Variants in HPS4 observed in about 807,000 individuals in gnomAD.
HPS4 encodes BLOC-3 complex member HPS4.
In HPS4, 44 loss-of-function variants were observed where a neutral mutation model predicts 70.3. The ratio of observed to expected loss-of-function variants is 0.63; its 90% confidence interval spans 0.49 to 0.80. The LOEUF is 0.80. Ranked by LOEUF, HPS4 falls within the 30% of genes least tolerant of loss-of-function variation. The pLI is 0.00. For synonymous variants in HPS4, 377 were observed against 355.9 expected (o/e 1.06, Z -0.67); for missense variants, 873 against 884.4 (o/e 0.99, Z 0.16).
At chr22:26,478,830 C>A (rs999789320) in intron 3 of HPS4, among the ~76,000 whole-genome samples, 4 of 151,892 alleles carry the variant, frequency 2.6e-5, no homozygotes, top group African/African-American at 9.7e-5. Flanking sequence ...ATTACAGGAG[C>A]GTGCCACCAC....
At chr22:26,458,318 G>A in intron 12 of HPS4, 127 bp downstream of exon 12, 4 of 1,176,446 alleles carry the variant, frequency 3.4e-6, no homozygotes, top group Non-Finnish European at 3.8e-6. Flanking sequence ...TGAGAAGAGA[G>A]CCCTGAACGC....
At chr22:26,443,253 T>C (rs372650643), downstream of HPS4, 7 of 1,525,120 alleles carry the variant, frequency 4.6e-6, no homozygotes, top group African/African-American at 6.8e-5. Context: ...AGGCGGGGCC[T>C]GGGCAGACTG....
rs368334509 is a variant in HPS4 at position 26,458,477 on chromosome 22, G to A, written c.1814C>T (p.Thr605Ile). 9 of 1,614,010 alleles carry A rather than the reference G, an allele frequency of 5.6e-6. No individual in the cohort carries two copies. The African/African-American group carries it at 9.3e-5, about 17-fold the overall frequency. Residue 605 changes from threonine to isoleucine, a missense_variant, in exon 12 of 14, where the codon ACA (threonine) becomes ATA (isoleucine). Thr to Ile is a moderately conservative substitution (Grantham distance 89). Transcript: ENST00000398145. ...CAAGCTCTGAATGCGGTCGTAATGT[G>A]TGAAGTTGTAGGTGCTGCTCGTGGA... ...AASTSSTYNF[T>I]HYDRIQSLLM...
chr22:26,450,034 T>C (rs1320278743), downstream of HPS4, among the ~76,000 whole-genome samples: 1 of 152,202 alleles, frequency 6.6e-6, no homozygotes, highest in Non-Finnish European at 1.5e-5. Flanking sequence ...CATCTTCACG[T>C]GGCCTTCTCC....
chr22:26,479,865 C>G (rs2091086364), intron 2 of HPS4, among the ~76,000 whole-genome samples: 2 of 152,144 alleles, frequency 1.3e-5, no homozygotes, highest in African/African-American at 4.8e-5. Context: ...CACGCAGTTT[C>G]AATGCAGGAT....
At chr22:26,455,578 G>T (rs1478831951) in intron 13 of HPS4, among the ~76,000 whole-genome samples, 37 of 103,394 alleles carry the variant, frequency 3.6e-4, no homozygotes, top group Admixed American at 1.4e-3. Flanking sequence ...ACTGGGGCCT[G>T]TTGTAGGGTG....
At position 26,451,984 on chromosome 22, in the gene HPS4, T is replaced by G; in HGVS notation, c.*1249A>C. ...GAAGGAAAAGAGGGATGCGCCCACG[T>G]TACGCGCGCGCGCGCGCGCGCACAC... On this transcript the variant is annotated 3_prime_UTR_variant, in exon 14 of 14. Coordinates refer to ENST00000398145, the MANE Select transcript of HPS4 (RefSeq NM_022081.6). 1 of 65,040 alleles carries G rather than the reference T, an allele frequency of 1.5e-5. No homozygotes were observed. Among genetic ancestry groups the G allele is most frequent in the South Asian group, 1.4e-4 (1 of 7,020 alleles). 4.0% of individuals were successfully genotyped at this position (65,040 alleles called of 1,614,324 possible).
intron 8 of HPS4, chr22:26,467,636 A>C (rs1023527304): frequency 6.6e-6 from 1 of 152,246 alleles, no homozygotes; most frequent in Non-Finnish European, 1.5e-5. Context: ...GGCTGAATAG[A>C]GCCCTACCAG....
At chr22:26,472,767 C>T in intron 5 of HPS4, 65 bp downstream of exon 5, 1 of 1,181,830 alleles carries the variant, frequency 8.5e-7, no homozygotes, top group East Asian at 2.3e-5. Flanking sequence ...GTAAGTGCTG[C>T]ATTCTGGCAA....
At chr22:26,466,068 G>A (rs2088531508) in intron 9 of HPS4, 158 bp downstream of exon 9, 3 of 1,559,184 alleles carry the variant, frequency 1.9e-6, no homozygotes, top group Non-Finnish European at 2.6e-6. Flanking sequence ...GTTCTGGTGG[G>A]TAACTCGATT....
intron 13 of HPS4, 32 bp downstream of exon 13, chr22:26,457,827 A>T (rs2086429457): frequency 6.5e-7 from 1 of 1,531,436 alleles, no homozygotes; most frequent in African/African-American, 1.4e-5. Context: ...GACCGTGGAG[A>T]GTAGGTTGGG....
At chr22:26,443,284 C>A, downstream of HPS4, 4 of 1,233,112 alleles carry the variant, frequency 3.2e-6, no homozygotes, top group Non-Finnish European at 4.7e-6. Flanking sequence ...CAGTCCCTAC[C>A]GGTGTTGTTT....
At chr22:26,462,236 T>C in intron 11 of HPS4, among the ~76,000 whole-genome samples, 1 of 152,130 alleles carries the variant, frequency 6.6e-6, no homozygotes, top group East Asian at 1.9e-4. Flanking sequence ...CAGAAGCCCA[T>C]GGAGGCTGAT....
chr22:26,471,017 C>A, intron 6 of HPS4: 3 of 1,058,674 alleles, frequency 2.8e-6, no homozygotes, highest in Admixed American at 2.1e-5. Context: ...CCACTAAATG[C>A]CAAATTCTTA....
At chr22:26,465,135 G>A (rs1359385331) in intron 10 of HPS4, among the ~76,000 whole-genome samples, 1 of 152,208 alleles carries the variant, frequency 6.6e-6, no homozygotes, top group Non-Finnish European at 1.5e-5. Flanking sequence ...CTATTTTCAA[G>A]TGTCACAATG....
chr22:26,457,375 C>T (rs537330133), intron 13 of HPS4, among the ~76,000 whole-genome samples: 10 of 152,016 alleles, frequency 6.6e-5, no homozygotes, highest in Non-Finnish European at 1.2e-4. Flanking sequence ...CACCACCCTG[C>T]CCAGCTAATT....
rs1601763484 is a variant in HPS4, at chr22:26,452,984, C to A, written c.*249G>T. 3.9e-6 allele frequency: 2 copies of A among 507,744 alleles called. No individual in the cohort carries two copies. The highest frequency in any genetic ancestry group is 7.1e-5 in the East Asian group (2 of 27,996). The allele number at this position is 507,744 out of a possible 1,614,324, so 31.5% of individuals were successfully genotyped here. ...ATGGCAGAGAGGGAGCCAAGCCCGT[C>A]CCGGCCCCAACACTACCGATTAAAT... On this transcript the variant is annotated 3_prime_UTR_variant, in exon 14 of 14. Transcript: ENST00000398145.
At chr22:26,461,407 G>A (rs2087239889) in intron 11 of HPS4, among the ~76,000 whole-genome samples, 1 of 152,078 alleles carries the variant, frequency 6.6e-6, no homozygotes, top group Non-Finnish European at 1.5e-5. Flanking sequence ...GCCCCCTGGT[G>A]TGAGCCTATT....
chr22:26,476,082 T>A (rs966317608), intron 4 of HPS4: 2 of 152,154 alleles, frequency 1.3e-5, no homozygotes, highest in South Asian at 2.1e-4. Context: ...AATGGGAGGA[T>A]AAAGGAATGA....
Sources: allele counts gnomAD v4.1 joint callset (sites outside exome capture counted in the v4.1 genomes callset), GRCh38; gene constraint gnomAD v4.1.1; transcripts MANE v1.5; gene names NCBI Gene and HGNC (gene_info 2026-07-23, HGNC 2026-07-21).